MICAL3: variants seen among roughly 807,000 people sequenced by gnomAD.
MICAL3 encodes the protein [F-actin]-monooxygenase MICAL3.
A neutral mutation model predicts 207.4 loss-of-function variants in MICAL3; 62 were observed. The ratio of observed to expected loss-of-function variants is 0.30; its 90% CI spans 0.24 to 0.37. MICAL3 has a LOEUF of 0.37. Ranked by LOEUF, MICAL3 falls within the 10% of genes least tolerant of loss-of-function variation. The probability of loss-of-function intolerance (pLI) is 1.00; values close to 1 mark genes in which losing one functional copy is unlikely to be tolerated. For missense variants in MICAL3, 2,368 were observed against 2,635.6 expected (o/e 0.90, Z 2.22); for synonymous variants, 1,077 against 1,069.3 (o/e 1.01, Z -0.14).
chr22:17,860,289 G>GA, intron 19 of MICAL3: 2 of 985,374 alleles, frequency 2.0e-6, no homozygotes, highest in Non-Finnish European at 2.4e-6. Context: ...AACTCACAAA[G>GA]AAACACACCA....
intron 20 of MICAL3, chr22:17,840,010 A>T (rs1923846054): frequency 6.9e-6 from 1 of 145,828 alleles, no homozygotes; most frequent in Non-Finnish European, 1.5e-5. Flanking sequence ...AGATCACTGC[A>T]ACCTCCGCCT....
At chr22:18,000,241 TA>T (rs932784555) in intron 1 of MICAL3, among the ~76,000 whole-genome samples, 3 of 87,476 alleles carry the variant, frequency 3.4e-5, no homozygotes, top group Non-Finnish European at 4.0e-5. Flanking sequence ...AAAACAAGCT[TA>T]GGGGGAAAAA....
At chr22:17,805,759 G>A (rs928859905) in intron 29 of MICAL3, among the ~76,000 whole-genome samples, 8 of 152,118 alleles carry the variant, frequency 5.3e-5, no homozygotes, top group Non-Finnish European at 1.0e-4. Flanking sequence ...ACAGAGTTTC[G>A]CTCTTGTTGC....
chr22:17,957,475 T>C (rs1934672351), intron 1 of MICAL3, among the ~76,000 whole-genome samples: 1 of 151,984 alleles, frequency 6.6e-6, no homozygotes, highest in Non-Finnish European at 1.5e-5. Context: ...TCCCAGCACT[T>C]TGGGAGGGAG....
intron 29 of MICAL3, among the ~76,000 whole-genome samples, chr22:17,794,565 C>A (rs1301816502): frequency 1.3e-5 from 2 of 152,226 alleles, no homozygotes; most frequent in Non-Finnish European, 2.9e-5. Flanking sequence ...GTGACTTCCA[C>A]CCGTCCGTGT....
chr22:17,937,827 G>T (rs1447606548), intron 1 of MICAL3, among the ~76,000 whole-genome samples: 2 of 152,216 alleles, frequency 1.3e-5, no homozygotes, highest in African/African-American at 4.8e-5. Flanking sequence ...GTTCCTGGGA[G>T]TGAGGACCAT....
chr22:17,816,876 C>T (rs976224404), intron 26 of MICAL3, 92 bp from the exon 27 acceptor site: 35 of 927,016 alleles, frequency 3.8e-5, no homozygotes, highest in South Asian at 7.1e-5. Flanking sequence ...CCAAGGAGGC[C>T]GGGTGGGGGG....
chr22:17,965,780 G>GC (rs1358288061), intron 1 of MICAL3, among the ~76,000 whole-genome samples: 1 of 152,150 alleles, frequency 6.6e-6, no homozygotes, highest in African/African-American at 2.4e-5. Flanking sequence ...ATAATTATCT[G>GC]CAAGTTACAG....
At chr22:17,884,143 C>G in intron 16 of MICAL3, 2 of 561,562 alleles carry the variant, frequency 3.6e-6, no homozygotes, top group Non-Finnish European at 6.3e-6. Flanking sequence ...AGCTACTACT[C>G]GAATGAGCAG....
chr22:17,836,059 C>T (rs542632582), intron 20 of MICAL3, among the ~76,000 whole-genome samples: 2 of 151,986 alleles, frequency 1.3e-5, no homozygotes, highest in Non-Finnish European at 2.9e-5. Context: ...CAGTTTATAC[C>T]CAGCTACTCA....
At chr22:18,000,076 A>G (rs1417068407) in intron 1 of MICAL3, among the ~76,000 whole-genome samples, 1 of 152,186 alleles carries the variant, frequency 6.6e-6, no homozygotes, top group Admixed American at 6.5e-5. Context: ...CGCAGGCGGC[A>G]GCGACTGTAG....
chr22:18,022,986 T>A (rs1027266704), intron 1 of MICAL3, among the ~76,000 whole-genome samples: 2 of 152,200 alleles, frequency 1.3e-5, no homozygotes, highest in South Asian at 2.1e-4. Context: ...ACTGCCTTCA[T>A]CCTGAGCTTC....
At chr22:17,853,881 C>T (rs1186344604) in intron 19 of MICAL3, among the ~76,000 whole-genome samples, 3 of 152,214 alleles carry the variant, frequency 2.0e-5, no homozygotes, top group Non-Finnish European at 2.9e-5. Context: ...TGCACCCGCC[C>T]GTCCTATGGC....
chr22:17,872,315 G>A (rs767449825), intron 16 of MICAL3, among the ~76,000 whole-genome samples: 2 of 152,148 alleles, frequency 1.3e-5, no homozygotes, highest in African/African-American at 4.8e-5. Context: ...CACCAGACTT[G>A]AGTAATGCTA....
chr22:17,877,545 G>T (rs1475738331), intron 16 of MICAL3, among the ~76,000 whole-genome samples: 31 of 145,166 alleles, frequency 2.1e-4, no homozygotes, highest in African/African-American at 7.3e-4. Flanking sequence ...GGTTATGGAG[G>T]TGAGGGAGGT....
At chr22:17,893,717 T>C in intron 11 of MICAL3, 91 bp downstream of exon 11, 1 of 953,690 alleles carries the variant, frequency 1.0e-6, no homozygotes, top group Non-Finnish European at 1.6e-6. Flanking sequence ...CTTCGGCCAC[T>C]GCCTCGGACC....
In MICAL3 at chr22:17,895,134, C is replaced by T. The variant is rs571256113; in HGVS notation, c.1449+150G>A. Reference sequence around the variant, plus strand: ...ATCTGTTGATGGAAAATGCTATCTACTTCTACCAATTCAGAGAGACATCTA... The same window carrying T: ...ATCTGTTGATGGAAAATGCTATCTATTTCTACCAATTCAGAGAGACATCTA... On this transcript the variant is annotated intron_variant, in intron 10 of 31. Transcript: ENST00000441493. 8 of 758,430 alleles carry T rather than the reference C, an allele frequency of 1.1e-5. No individual in the cohort carries two copies. In the Middle Eastern group the frequency reaches 1.9e-3, roughly 179 times the overall value. 47.0% of individuals were successfully genotyped at this position (758,430 alleles called of 1,614,324 possible).
At chr22:17,856,948 C>G (rs924362577) in intron 19 of MICAL3, among the ~76,000 whole-genome samples, 1 of 152,176 alleles carries the variant, frequency 6.6e-6, no homozygotes. Flanking sequence ...AAAGAACCTA[C>G]TGACCTAGTC....
At chr22:17,882,406 C>A (rs1186687647) in intron 16 of MICAL3, among the ~76,000 whole-genome samples, 1 of 152,220 alleles carries the variant, frequency 6.6e-6, no homozygotes. Context: ...CAATGGGATG[C>A]TGCCAGTCAG....
Sources: gnomAD v4.1 joint callset for allele counts (sites outside exome capture counted in the v4.1 genomes callset) on GRCh38, gnomAD v4.1.1 for gene constraint, MANE v1.5 for transcripts, NCBI Gene and HGNC (gene_info 2026-07-23, HGNC 2026-07-21) for gene names.